Variants in ATP6V1H observed in about 807,000 individuals in gnomAD.
ATP6V1H encodes the protein ATPase H+ transporting V1 subunit H.
ATP6V1H carries 39 observed loss-of-function variants against 71.7 expected under a neutral mutation model. That is an observed-to-expected ratio of 0.54 (90% CI 0.42 to 0.71). The LOEUF (loss-of-function observed/expected upper bound fraction) is 0.71, where lower values mean the gene tolerates loss of function less well. Ranked by LOEUF, ATP6V1H falls within the 30% of genes least tolerant of loss-of-function variation. The pLI is 0.00. For missense variants in ATP6V1H, 509 were observed against 594.9 expected (o/e 0.86, Z 1.50); for synonymous variants, 192 against 199.3 (o/e 0.96, Z 0.31).
At chr8:53,807,255 T>C (rs1315381382) in intron 7 of ATP6V1H, among the ~76,000 whole-genome samples, 6 of 151,872 alleles carry the variant, frequency 4.0e-5, no homozygotes, top group African/African-American at 1.2e-4. Flanking sequence ...ACAAGAATAT[T>C]AGAACTGCCA....
chr8:53,813,195 T>C (rs1810340611), intron 6 of ATP6V1H, among the ~76,000 whole-genome samples: 1 of 152,228 alleles, frequency 6.6e-6, no homozygotes, highest in Admixed American at 6.5e-5. Context: ...ATGGTGGCTC[T>C]TGTAAAAACG....
chr8:53,841,533 C>A (rs765420754), intron 2 of ATP6V1H, 45 bp downstream of exon 2: 1 of 1,591,660 alleles, frequency 6.3e-7, no homozygotes, highest in East Asian at 2.2e-5. Flanking sequence ...AAGTCTGATG[C>A]AAAAGCATAT....
chr8:53,757,493 A>G (rs1290787057), intron 11 of ATP6V1H, among the ~76,000 whole-genome samples: 2 of 152,204 alleles, frequency 1.3e-5, no homozygotes, highest in African/African-American at 4.8e-5. Flanking sequence ...TGTTATTTTA[A>G]TGCTCAAGGG....
chr8:53,814,690 T>C lies in ATP6V1H; in HGVS notation c.497A>G (p.Asn166Ser), dbSNP rs1460515806. Residue 166 changes from asparagine (N) to serine (S), a missense_variant, in exon 6 of 14, where the codon AAT becomes AGT. Around this residue, in one of 2 missense-constraint regions of ATP6V1H, gnomAD observed 297 missense variants for 303.3 expected, o/e 0.98. Transcript: ENST00000359530. ...MEGSDLNYYF[N>S]WIKTQLSSQK... ...TGAACTCAGCTGAGTTTTTATCCAA[T>C]TGAAATAGTAATTTAAGTCACTGCC... is the stretch of plus-strand genomic sequence containing the variant. 5 of 1,611,976 alleles carry C rather than the reference T, an allele frequency of 3.1e-6. No individual in the cohort carries two copies. The highest frequency in any genetic ancestry group is 4.2e-6 in the Non-Finnish European group (5 of 1,179,004).
intron 7 of ATP6V1H, among the ~76,000 whole-genome samples, chr8:53,804,980 G>A (rs996287814): frequency 2.6e-5 from 4 of 152,182 alleles, no homozygotes; most frequent in African/African-American, 9.7e-5. Context: ...GGTGAATGTG[G>A]TCTCAGAGAT....
At chr8:53,774,767 C>G (rs187593042) in intron 9 of ATP6V1H, among the ~76,000 whole-genome samples, 4 of 151,960 alleles carry the variant, frequency 2.6e-5, no homozygotes, top group African/African-American at 9.7e-5. Flanking sequence ...CCTGAAGATA[C>G]GCCCCACTCA....
chr8:53,746,959 C>A (rs1366893890), intron 12 of ATP6V1H, among the ~76,000 whole-genome samples: 1 of 152,130 alleles, frequency 6.6e-6, no homozygotes, highest in Non-Finnish European at 1.5e-5. Flanking sequence ...GCTTTAAGAA[C>A]TTGGAATATT....
chr8:53,769,823 CTTA>C (rs1808592659), intron 10 of ATP6V1H, 80 bp from the exon 11 acceptor site: 6 of 1,258,000 alleles, frequency 4.8e-6, no homozygotes, highest in Non-Finnish European at 6.5e-6. Context: ...AATGTCTTCA[CTTA>C]TTATTTAATT....
intron 13 of ATP6V1H, among the ~76,000 whole-genome samples, chr8:53,727,018 A>T (rs1806835245): frequency 6.6e-6 from 1 of 152,206 alleles, no homozygotes; most frequent in African/African-American, 2.4e-5. Flanking sequence ...TTCAATAAAC[A>T]TGTATTTGCT....
chr8:53,808,112 A>T (rs999164491), intron 7 of ATP6V1H, among the ~76,000 whole-genome samples: 1 of 152,244 alleles, frequency 6.6e-6, no homozygotes, highest in African/African-American at 2.4e-5. Flanking sequence ...AATCACAGAG[A>T]ACAGGACACG....
chr8:53,786,391 G>C (rs1469219113), intron 9 of ATP6V1H, among the ~76,000 whole-genome samples: 6 of 152,154 alleles, frequency 3.9e-5, no homozygotes, highest in Admixed American at 2.0e-4. Flanking sequence ...TTGGAAAAGC[G>C]CAGTATTAGG....
intron 9 of ATP6V1H, among the ~76,000 whole-genome samples, chr8:53,788,458 T>C (rs1809451394): frequency 6.6e-6 from 1 of 152,336 alleles, no homozygotes; most frequent in Non-Finnish European, 1.5e-5. Flanking sequence ...GATCTTTACC[T>C]GGGCTTAATA....
chr8:53,765,181 A>G (rs1258191701), intron 11 of ATP6V1H, among the ~76,000 whole-genome samples: 1 of 152,042 alleles, frequency 6.6e-6, no homozygotes, highest in African/African-American at 2.4e-5. Flanking sequence ...AGGTGGGCAG[A>G]TCACGAGGTC....
chr8:53,781,020 T>C (rs1185316730), intron 9 of ATP6V1H, among the ~76,000 whole-genome samples: 8 of 152,234 alleles, frequency 5.3e-5, no homozygotes, highest in Non-Finnish European at 8.8e-5. Context: ...TGTGTCTTTA[T>C]AGCAGCATGA....
At chr8:53,796,829 C>A (rs531587540) in intron 8 of ATP6V1H, among the ~76,000 whole-genome samples, 139 of 152,294 alleles carry the variant, frequency 9.1e-4, no homozygotes, top group Middle Eastern at 3.4e-3. Context: ...ACTAAAGCTG[C>A]TCTAATAATA....
intron 2 of ATP6V1H, among the ~76,000 whole-genome samples, chr8:53,839,087 T>A (rs1811264427): frequency 1.3e-5 from 2 of 152,120 alleles, no homozygotes; most frequent in South Asian, 4.1e-4. Flanking sequence ...AAGACAGATA[T>A]ATAGGAAAAC....
intron 4 of ATP6V1H, among the ~76,000 whole-genome samples, chr8:53,825,942 T>C (rs1810812110): frequency 6.6e-6 from 1 of 152,038 alleles, no homozygotes; most frequent in Non-Finnish European, 1.5e-5. Flanking sequence ...CTGTGAAAAA[T>C]GTTATAAGCT....
intron 7 of ATP6V1H, among the ~76,000 whole-genome samples, chr8:53,810,583 T>C (rs1485215411): frequency 6.6e-6 from 1 of 151,920 alleles, no homozygotes; most frequent in African/African-American, 2.4e-5. Flanking sequence ...CTACTAAAAA[T>C]ACAAAAATTA....
At chr8:53,807,950 C>G (rs933420620) in intron 7 of ATP6V1H, among the ~76,000 whole-genome samples, 3 of 152,232 alleles carry the variant, frequency 2.0e-5, no homozygotes, top group Non-Finnish European at 4.4e-5. Context: ...GTGAGCATTT[C>G]TACCATCACA....
Sources: allele counts gnomAD v4.1 joint callset (sites outside exome capture counted in the v4.1 genomes callset), GRCh38; gene constraint gnomAD v4.1.1; regional missense constraint gnomAD v4.1.1; transcripts MANE v1.5; gene names NCBI Gene and HGNC (gene_info 2026-07-23, HGNC 2026-07-21).